The following WDR41 variants were observed in gnomAD, a reference collection of about 807,000 sequenced individuals.
WDR41 encodes the protein WD repeat-containing protein 41.
In WDR41, 63 loss-of-function variants were observed where a neutral mutation model predicts 69.3. The observed-to-expected ratio is 0.91, with a 90% CI of 0.74 to 1.12. WDR41 has a LOEUF of 1.12. Ranked by LOEUF, WDR41 falls within the 50% of genes most tolerant of loss-of-function variation. The pLI is 0.00. For synonymous variants in WDR41, 185 were observed against 192.1 expected, an observed-to-expected ratio of 0.96 and a Z score of 0.31; for missense variants, 543 against 534.5, an observed-to-expected ratio of 1.02 and a Z score of -0.16.
intron 1 of WDR41, among the ~76,000 whole-genome samples, chr5:77,589,906 A>T (rs1386273273): frequency 6.6e-6 from 1 of 152,164 alleles, no homozygotes; most frequent in East Asian, 1.9e-4. Context: ...CTATATCAGG[A>T]AGGAAAACTT....
intron 9 of WDR41, among the ~76,000 whole-genome samples, chr5:77,438,834 C>T (rs1324587360): frequency 1.3e-5 from 2 of 152,142 alleles, no homozygotes; most frequent in Non-Finnish European, 2.9e-5. Context: ...AGCACGGCTA[C>T]AGTGGCATTA....
At chr5:77,436,615 A>G (rs1159255549) in intron 11 of WDR41, among the ~76,000 whole-genome samples, 1 of 152,166 alleles carries the variant, frequency 6.6e-6, no homozygotes, top group Admixed American at 6.5e-5. Context: ...CTAGTCACCC[A>G]CTGGTGCAGG....
chr5:77,440,270 G>T (rs1244785734), intron 9 of WDR41, among the ~76,000 whole-genome samples: 1 of 152,134 alleles, frequency 6.6e-6, no homozygotes, highest in Admixed American at 6.5e-5. Flanking sequence ...GATGCTAAGA[G>T]ATTTGTTTTT....
At chr5:77,529,242 C>CA (rs1429683501) in intron 1 of WDR41, among the ~76,000 whole-genome samples, 2 of 151,154 alleles carry the variant, frequency 1.3e-5, no homozygotes, top group East Asian at 3.9e-4. Flanking sequence ...ATACCAACAA[C>CA]AAATAAACAA....
intron 1 of WDR41, among the ~76,000 whole-genome samples, chr5:77,540,690 G>A (rs763324781): frequency 1.2e-4 from 17 of 137,122 alleles, no homozygotes; most frequent in Non-Finnish European, 1.9e-4. Context: ...CTGGGTGACA[G>A]AGCAAGACCC....
chr5:77,476,318 G>A (rs1482718418), intron 2 of WDR41, among the ~76,000 whole-genome samples: 1 of 151,054 alleles, frequency 6.6e-6, no homozygotes, highest in African/African-American at 2.4e-5. Flanking sequence ...AGGAAATACA[G>A]AGAACGCCAC....
At chr5:77,587,476 T>C (rs1264878202) in intron 1 of WDR41, among the ~76,000 whole-genome samples, 1 of 152,232 alleles carries the variant, frequency 6.6e-6, no homozygotes, top group Non-Finnish European at 1.5e-5. Flanking sequence ...AGTACGACAG[T>C]TCCCATCTCC....
rs1410897525 is a variant in WDR41, at chr5:77,433,219, T to C, written c.1296A>G (p.Lys432=). The change falls in exon 13 of 13, where the codon AAA becomes AAG. Residue 432 remains lysine, a synonymous_variant. Transcript: ENST00000296679. ...CSADHLIILW[K]NGERESGLRS... ...GCAATCCAGATTCTCGCTCTCCATT[T>C]TTCCACAAAATAATGAGATGATCAG... 6.2e-7 allele frequency: 1 copy of C among 1,614,090 alleles called. No homozygotes were observed. The highest frequency in any genetic ancestry group is 1.1e-5 in the South Asian group (1 of 91,076).
At chr5:77,512,664 T>G (rs1802227532) in intron 1 of WDR41, among the ~76,000 whole-genome samples, 1 of 148,076 alleles carries the variant, frequency 6.8e-6, no homozygotes, top group Admixed American at 6.9e-5. Flanking sequence ...GAGAATCGCT[T>G]GAACCCAGGA....
At chr5:77,545,789 C>G (rs1316675440) in intron 1 of WDR41, 2 of 997,216 alleles carry the variant, frequency 2.0e-6, no homozygotes, top group Non-Finnish European at 2.9e-6. Flanking sequence ...ATGGCCACGT[C>G]GGTCTGGGTG....
rs755581362 is a variant in WDR41 at position 77,451,196 on chromosome 5, G to A, written c.586+95C>T. The A allele has an allele frequency of 8.7e-6, 10 of 1,148,788 alleles. No homozygotes were observed. In the Admixed American group the frequency reaches 9.6e-5, roughly 11 times the overall value. 71.2% of individuals were successfully genotyped at this position (1,148,788 alleles called of 1,614,324 possible). A position where few individuals can be genotyped will look rare whatever the true frequency, so the allele number is the denominator to read the frequency against. ...CCAAGAAGCCAAGAGTGGGGCACAC[G>A]CAATGTCCCTTAAATAAAAAATTAC... is the stretch of plus-strand genomic sequence containing the variant. On this transcript the variant is annotated intron_variant, in intron 7 of 12. Coordinates refer to ENST00000296679, the MANE Select transcript of WDR41 (RefSeq NM_018268.4).
chr5:77,504,967 G>C (rs911164823), intron 1 of WDR41, among the ~76,000 whole-genome samples: 2 of 152,152 alleles, frequency 1.3e-5, no homozygotes, highest in African/African-American at 4.8e-5. Flanking sequence ...ACCAGCACAA[G>C]ACAAGGATGT....
chr5:77,449,260 T>A lies in WDR41; in HGVS notation c.697+500A>T, dbSNP rs74586198. Among the ~76,000 whole-genome samples the A allele has an allele frequency of 3.0e-4, 46 of 152,260 alleles. No individual in the cohort carries two copies. In the Middle Eastern group the frequency reaches 0.01, roughly 34 times the overall value. On this transcript the variant is annotated intron_variant, in intron 8 of 12. Coordinates refer to ENST00000296679, the MANE Select transcript of WDR41 (RefSeq NM_018268.4). ...CACCACGAGGAAGGAAGGGAAGACA[T>A]GACCCATTTTCTGCAGACTTTTACT...
chr5:77,439,714 G>A (rs903357041), intron 9 of WDR41, among the ~76,000 whole-genome samples: 12 of 151,824 alleles, frequency 7.9e-5, no homozygotes, highest in Non-Finnish European at 1.6e-4. Context: ...GAAAAATTAG[G>A]GAAAACTATA....
intron 1 of WDR41, among the ~76,000 whole-genome samples, chr5:77,559,149 G>C (rs1408988624): frequency 1.3e-5 from 2 of 152,060 alleles, no homozygotes; most frequent in Non-Finnish European, 2.9e-5. Flanking sequence ...TATAGAGAGG[G>C]AAATAGCCTT....
intron 2 of WDR41, among the ~76,000 whole-genome samples, chr5:77,476,947 C>G (rs1039560217): frequency 6.9e-6 from 1 of 145,744 alleles, no homozygotes; most frequent in African/African-American, 2.7e-5. Context: ...TGCAGAGACA[C>G]ACATAGGCTC....
At chr5:77,464,839 A>AG (rs1260767165) in intron 2 of WDR41, 30 bp from the exon 3 acceptor site, 2 of 1,610,952 alleles carry the variant, frequency 1.2e-6, no homozygotes, top group Non-Finnish European at 1.7e-6. Context: ...CAAGAAAAAA[A>AG]AATCACTGGT....
intron 1 of WDR41, among the ~76,000 whole-genome samples, chr5:77,580,772 C>T (rs1390047571): frequency 6.6e-6 from 1 of 151,462 alleles, no homozygotes; most frequent in African/African-American, 2.4e-5. Context: ...TGGCTAACAT[C>T]GTGAAACCTC....
At chr5:77,440,691 A>G in intron 9 of WDR41, 122 bp downstream of exon 9, 5 of 909,652 alleles carry the variant, frequency 5.5e-6, no homozygotes, top group Non-Finnish European at 8.0e-6. Context: ...ACCATTTTAA[A>G]GCACAACCTG....
Sources: allele counts gnomAD v4.1 joint callset (sites outside exome capture counted in the v4.1 genomes callset), GRCh38; gene constraint gnomAD v4.1.1; transcripts MANE v1.5; gene names NCBI Gene and HGNC (gene_info 2026-07-23, HGNC 2026-07-21).